Variants in BLTP1 observed in about 807,000 individuals in gnomAD.
The protein encoded by BLTP1 is fragile site-associated protein.
chr4:122,333,912 T>A, the BLTP1 span: 1 of 1,373,462 alleles, frequency 7.3e-7, no homozygotes, highest in Non-Finnish European at 9.7e-7. Context: ...AAATGAGACT[T>A]AGTGACTTCT....
the BLTP1 span, among the ~76,000 whole-genome samples, chr4:122,177,045 C>T: frequency 6.6e-6 from 1 of 152,176 alleles, no homozygotes; most frequent in African/African-American, 2.4e-5. Context: ...TCCTTGATTT[C>T]TCCTCAGACC....
At chr4:122,337,050 T>C in the BLTP1 span, 1 of 1,542,192 alleles carries the variant, frequency 6.5e-7, no homozygotes, top group African/African-American at 1.4e-5. Context: ...TCTTTTTGTT[T>C]TAAAGAGAAA....
the BLTP1 span, chr4:122,254,523 C>T: frequency 1.1e-6 from 1 of 942,962 alleles, no homozygotes; most frequent in Non-Finnish European, 1.3e-6. Flanking sequence ...CTTGTTTGAC[C>T]CAATTTCTTT....
chr4:122,210,390 C>A, the BLTP1 span, among the ~76,000 whole-genome samples: 20 of 152,084 alleles, frequency 1.3e-4, 1 homozygote, highest in African/African-American at 4.8e-4. Flanking sequence ...GGTAATTTGC[C>A]TTATTACCTA....
chr4:122,188,010 A>G, the BLTP1 span: 1 of 1,591,192 alleles, frequency 6.3e-7, no homozygotes, highest in African/African-American at 1.4e-5. Context: ...CAATTCATGC[A>G]TATTGTGAAA....
chr4:122,284,151 A>C, the BLTP1 span, among the ~76,000 whole-genome samples: 4 of 152,182 alleles, frequency 2.6e-5, no homozygotes, highest in Non-Finnish European at 5.9e-5. Flanking sequence ...AGTGTGCTTG[A>C]TGCTTTTTTG....
chr4:122,229,903 T>C, the BLTP1 span: 8 of 1,588,060 alleles, frequency 5.0e-6, no homozygotes, highest in African/African-American at 6.7e-5. Context: ...AATTACACTT[T>C]TGTTTCATTT....
At chr4:122,213,412 T>C in the BLTP1 span, among the ~76,000 whole-genome samples, 1 of 151,990 alleles carries the variant, frequency 6.6e-6, no homozygotes, top group African/African-American at 2.4e-5. Context: ...TTTTGGAAGT[T>C]CAAAAATGTA....
At chr4:122,350,618 A>G in the BLTP1 span, among the ~76,000 whole-genome samples, 1 of 152,242 alleles carries the variant, frequency 6.6e-6, no homozygotes, top group Non-Finnish European at 1.5e-5. Flanking sequence ...AGTGCTAAGC[A>G]AAAGAACAAA....
the BLTP1 span, among the ~76,000 whole-genome samples, chr4:122,275,038 G>T: frequency 6.6e-6 from 1 of 152,074 alleles, no homozygotes. Context: ...GTTCGGTTTG[G>T]ACCTATAAGT....
chr4:122,340,934 T>C, the BLTP1 span: 1 of 722,272 alleles, frequency 1.4e-6, no homozygotes, highest in Non-Finnish European at 1.7e-6. Context: ...AGTGATACCA[T>C]ATTTTTCCAA....
the BLTP1 span, among the ~76,000 whole-genome samples, chr4:122,280,464 A>G: frequency 6.6e-6 from 1 of 152,116 alleles, no homozygotes; most frequent in African/African-American, 2.4e-5. Context: ...GCCTTTGTTC[A>G]TACATCTTCA....
chr4:122,354,387 CAAACTT>C, the BLTP1 span, among the ~76,000 whole-genome samples: 4 of 151,558 alleles, frequency 2.6e-5, no homozygotes, highest in African/African-American at 9.7e-5. Flanking sequence ...AGGAATACCA[CAAACTT>C]AAAGTTCGAA....
the BLTP1 span, chr4:122,340,565 TA>T: frequency 5.3e-6 from 1 of 188,554 alleles, no homozygotes. Flanking sequence ...CTTAACACAG[TA>T]TTTACTTGTA....
the BLTP1 span, among the ~76,000 whole-genome samples, chr4:122,343,044 T>C: frequency 1.3e-5 from 2 of 152,178 alleles, no homozygotes; most frequent in Non-Finnish European, 2.9e-5. Context: ...ATGATATGGA[T>C]TTTTTTACAG....
the BLTP1 span, chr4:122,247,959 T>TTGAGATGATTGCTCTGC: frequency 4.3e-5 from 42 of 985,066 alleles, no homozygotes; most frequent in African/African-American, 5.8e-4. Flanking sequence ...CTAATCGTAT[T>TTGAGATGATTGCTCTGC]TGAGATGATT....
chr4:122,171,924 G>A, the BLTP1 span: 1 of 985,256 alleles, frequency 1.0e-6, no homozygotes, highest in Non-Finnish European at 1.2e-6. Context: ...AATATTGAAA[G>A]CATATTTTCT....
At chr4:122,210,722 T>C in the BLTP1 span, 1 of 358,780 alleles carries the variant, frequency 2.8e-6, no homozygotes, top group Non-Finnish European at 3.9e-6. Context: ...TCTTAATTAT[T>C]GGTCTTTTAG....
the BLTP1 span, among the ~76,000 whole-genome samples, chr4:122,179,270 AAAAT>A: frequency 5.9e-5 from 9 of 152,078 alleles, no homozygotes; most frequent in African/African-American, 1.2e-4. Context: ...TTTTCTCTAA[AAAAT>A]AAATAAATAA....
Sources: allele counts gnomAD v4.1 joint callset (sites outside exome capture counted in the v4.1 genomes callset), GRCh38; gene constraint gnomAD v4.1.1; transcripts MANE v1.5; gene names NCBI Gene and HGNC (gene_info 2026-07-23, HGNC 2026-07-21).